Variants in BICD2 observed in about 807,000 individuals in gnomAD.
The protein encoded by BICD2 is BICD cargo adaptor 2, also known as protein bicaudal D homolog 2.
Under a neutral mutation model 72.9 loss-of-function variants are expected in BICD2, and 25 were observed. That is an observed-to-expected ratio of 0.34 (90% confidence interval 0.25 to 0.48). BICD2 has a LOEUF of 0.48. BICD2 is among the 20% of genes least tolerant of loss of function. BICD2 has a pLI of 0.99. For synonymous variants in BICD2, 501 were observed against 516.1 expected (o/e 0.97, Z 0.40); for missense variants, 894 against 1,175.2 (o/e 0.76, Z 3.50).
chr9:92,720,559 T>C lies in BICD2; in HGVS notation c.803A>G (p.Asn268Ser), dbSNP rs566510315. Residue 268 changes from asparagine (N) to serine (S), a missense_variant, in exon 4 of 7, where the codon AAT (asparagine) becomes AGT (serine). Coordinates refer to ENST00000356884, the MANE Select transcript of BICD2 (RefSeq NM_001003800.2). The surrounding 1 kb of genome is among the most constrained non-coding windows in gnomAD (Gnocchi z 5.4). ...RKELSHYMSI[N>S]DSFYTSHLHV... ...CAGGTGGCTGGTGTAGAAGGAGTCA[T>C]TGATGCTCATGTAGTGTGACAGCTC... 3.6e-5 allele frequency: 58 copies of C among 1,614,024 alleles called. No individual in the cohort carries two copies. Among genetic ancestry groups the C allele is most frequent in the Middle Eastern group, 1.6e-4 (1 of 6,084 alleles).
intron 1 of BICD2, among the ~76,000 whole-genome samples, chr9:92,760,663 C>A (rs961245529): frequency 1.3e-5 from 2 of 152,142 alleles, no homozygotes. Flanking sequence ...TCTTTGGATG[C>A]CTATAGCTGC....
chr9:92,760,375 C>G (rs1258224956), intron 1 of BICD2, among the ~76,000 whole-genome samples: 2 of 152,168 alleles, frequency 1.3e-5, no homozygotes, highest in African/African-American at 4.8e-5. Flanking sequence ...GCTGGCAGGG[C>G]TGGCCTGGAG....
chr9:92,736,787 A>G (rs1345744921), intron 1 of BICD2, among the ~76,000 whole-genome samples: 8 of 152,194 alleles, frequency 5.3e-5, no homozygotes, highest in Non-Finnish European at 1.2e-4. Context: ...TAGCAGCTCC[A>G]TGACCGGAGC....
intron 2 of BICD2, among the ~76,000 whole-genome samples, chr9:92,723,862 A>G (rs996841166): frequency 6.6e-6 from 1 of 152,196 alleles, no homozygotes; most frequent in Non-Finnish European, 1.5e-5. Flanking sequence ...TGGGCCCCTC[A>G]GCCGCAGCCC....
chr9:92,757,312 CAAAAAAAAA>C (rs1169381290), intron 1 of BICD2, among the ~76,000 whole-genome samples: 24 of 52,738 alleles, frequency 4.6e-4, no homozygotes, highest in African/African-American at 1.7e-3. Flanking sequence ...AGACTGTCTC[CAAAAAAAAA>C]AAAAAAAAAA....
Position 92,718,821 on chromosome 9 carries a change from C to T in BICD2, c.1824G>A (p.Ser608=), listed in dbSNP as rs763961540. The T allele has an allele frequency of 1.9e-6, 3 of 1,612,126 alleles. No homozygotes were observed. Among genetic ancestry groups the T allele is most frequent in the East Asian group, 2.2e-5 (1 of 44,870 alleles). Residue 608 remains serine, a synonymous_variant, in exon 5 of 7, where the codon TCG becomes TCA. Transcript: ENST00000356884. The part of the protein sequence containing the change: ...ADGGTGDSSP[S]PGSSLPSPLS... Reference sequence around the variant, plus strand: ...GGGGTGATGGCAGTGAGGAGCCAGGCGAGGGGCTGCTGTCCCCCGTCCCAC... The same window carrying T: ...GGGGTGATGGCAGTGAGGAGCCAGGTGAGGGGCTGCTGTCCCCCGTCCCAC...
chr9:92,717,706 C>T, intron 6 of BICD2, 91 bp downstream of exon 6: 1 of 1,436,914 alleles, frequency 7.0e-7, no homozygotes. Context: ...CAGGCCTCAG[C>T]ATGAGGCAGT....
chr9:92,731,579 G>A (rs756500664), intron 1 of BICD2, among the ~76,000 whole-genome samples: 3 of 152,126 alleles, frequency 2.0e-5, no homozygotes, highest in South Asian at 2.1e-4. Context: ...GAGACAGGAG[G>A]AGGGGAGTTC....
In BICD2 at chr9:92,714,705, G is replaced by T; in HGVS notation, c.*449C>A. Reference sequence around the variant, plus strand: ...CATCCTCTGAGGTCGTACCTATGCTGCAGGCTGGAACCTCCTAAAACTGCT... The same window carrying T: ...CATCCTCTGAGGTCGTACCTATGCTTCAGGCTGGAACCTCCTAAAACTGCT... On this transcript the variant is annotated 3_prime_UTR_variant, in exon 7 of 7. Coordinates refer to ENST00000356884, the MANE Select transcript of BICD2 (RefSeq NM_001003800.2). 1.0e-6 allele frequency: 1 copy of T among 992,568 alleles called. No homozygotes were observed. The highest frequency in any genetic ancestry group is 4.7e-5 in the South Asian group (1 of 21,496). 61.5% of individuals were successfully genotyped at this position (992,568 alleles called of 1,614,324 possible).
intron 1 of BICD2, among the ~76,000 whole-genome samples, chr9:92,748,662 T>A (rs1016732235): frequency 2.6e-5 from 4 of 152,046 alleles, no homozygotes; most frequent in African/African-American, 7.2e-5. Context: ...GCTCTTCCCA[T>A]CCATCCCCAG....
rs572832836 is a variant in BICD2 at position 92,746,667 on chromosome 9, G to C, written c.241-17431C>G. On this transcript the variant is annotated intron_variant, in intron 1 of 6. Coordinates refer to ENST00000356884, the MANE Select transcript of BICD2 (RefSeq NM_001003800.2). ...CTAGTATGATGACACAGTGGATGAT[G>C]CTCAGCAGCAAGAAAACTCACTCCT... Among the ~76,000 whole-genome samples the C allele has an allele frequency of 1.8e-4, 27 of 152,316 alleles. No homozygotes were observed. In the South Asian group the frequency reaches 5.0e-3, roughly 28 times the overall value.
intron 1 of BICD2, among the ~76,000 whole-genome samples, chr9:92,747,790 G>T (rs562446786): frequency 6.6e-6 from 1 of 152,288 alleles, no homozygotes; most frequent in South Asian, 2.1e-4. Flanking sequence ...CACCTCCTTG[G>T]TGAGTGCAGG....
At chr9:92,717,026 C>T (rs552349510) in intron 6 of BICD2, among the ~76,000 whole-genome samples, 4 of 152,226 alleles carry the variant, frequency 2.6e-5, no homozygotes, top group Non-Finnish European at 5.9e-5. Flanking sequence ...AGAGGTGGGA[C>T]CCGAACTGTG....
At chr9:92,734,775 T>TG (rs929231286) in intron 1 of BICD2, among the ~76,000 whole-genome samples, 5 of 152,172 alleles carry the variant, frequency 3.3e-5, no homozygotes, top group Non-Finnish European at 7.4e-5. Context: ...GCTGGTGCCC[T>TG]GCAGGGTATG....
Position 92,720,891 on chromosome 9 carries a change from T to C in BICD2, c.607-136A>G. 1.1e-6 allele frequency: 1 copy of C among 924,844 alleles called. No homozygotes were observed. Among genetic ancestry groups the C allele is most frequent in the South Asian group, 1.8e-5 (1 of 57,058 alleles). 57.3% of individuals were successfully genotyped at this position (924,844 alleles called of 1,614,324 possible). On this transcript the variant is annotated intron_variant, in intron 3 of 6. Transcript: ENST00000356884. The surrounding 1 kb of genome is among the most constrained non-coding windows in gnomAD (Gnocchi z 5.4). ...AGATGAAGCGCCAGGTGAGGTGCCA[T>C]CCTGGGAAGGGTGGCAGCCCGTCCA... is the stretch of plus-strand genomic sequence containing the variant.
chr9:92,719,471 C>G lies in BICD2; in HGVS notation c.1174G>C (p.Glu392Gln). The G allele has an allele frequency of 1.9e-6, 3 of 1,614,134 alleles. No homozygotes were observed. Among genetic ancestry groups the G allele is most frequent in the Non-Finnish European group, 2.5e-6 (3 of 1,180,024 alleles). Residue 392 changes from glutamate to glutamine, a missense_variant, in exon 5 of 7, where the codon GAG becomes CAG. Physicochemically the swap from Glu to Gln is conservative, Grantham distance 29. Coordinates refer to ENST00000356884, the MANE Select transcript of BICD2 (RefSeq NM_001003800.2). ...AGGCGCCGCAGGGCACTCAGATTCT[C>G]TGTGAGGCGGGTCACCTTCTCCTGC... Reference protein sequence around the residue: ...EQQEKVTRLTENLSALRRLQA... With the variant: ...EQQEKVTRLTQNLSALRRLQA...
At chr9:92,760,305 C>A (rs955995860) in intron 1 of BICD2, among the ~76,000 whole-genome samples, 1 of 152,232 alleles carries the variant, frequency 6.6e-6, no homozygotes, top group African/African-American at 2.4e-5. Context: ...ACGAGCTGCT[C>A]CATCACAGCT....
intron 1 of BICD2, among the ~76,000 whole-genome samples, chr9:92,752,328 G>A (rs1242050779): frequency 7.3e-6 from 1 of 137,464 alleles, no homozygotes; most frequent in Non-Finnish European, 1.6e-5. Context: ...AAGGAAGGAA[G>A]CACTTTAAAA....
In BICD2 at chr9:92,720,546, G is replaced by A. The variant is rs368490787; in HGVS notation, c.816C>T (p.Tyr272=). The change falls in exon 4 of 7, where the codon TAC becomes TAT. Residue 272 remains tyrosine, a synonymous_variant. Transcript: ENST00000356884. The surrounding 1 kb of genome is among the most constrained non-coding windows in gnomAD (Gnocchi z 5.4). ...SHYMSINDSF[Y]TSHLHVSLDG... ...CCAGCGAGACATGCAGGTGGCTGGT[G>A]TAGAAGGAGTCATTGATGCTCATGT... 31 of 1,614,224 alleles carry A rather than the reference G, an allele frequency of 1.9e-5. No homozygotes were observed. Among genetic ancestry groups the A allele is most frequent in the South Asian group, 1.4e-4 (13 of 91,082 alleles).
Sources: allele counts gnomAD v4.1 joint callset (sites outside exome capture counted in the v4.1 genomes callset), GRCh38; gene constraint gnomAD v4.1.1; non-coding constraint Gnocchi (gnomAD v3.1); transcripts MANE v1.5; gene names NCBI Gene and HGNC (gene_info 2026-07-23, HGNC 2026-07-21).